GALNTL6: variants seen among roughly 807,000 people sequenced by gnomAD.
GALNTL6 encodes the protein polypeptide N-acetylgalactosaminyltransferase like 6.
GALNTL6 carries 46 observed loss-of-function variants against 73.7 expected under a neutral mutation model. The observed-to-expected ratio is 0.62, with a 90% CI of 0.49 to 0.80. GALNTL6 has a LOEUF of 0.80. Ranked by LOEUF, GALNTL6 falls within the 30% of genes least tolerant of loss-of-function variation. The pLI is 0.00. For synonymous variants in GALNTL6, 259 were observed against 263.7 expected (o/e 0.98, Z 0.17); for missense variants, 604 against 755.0 (o/e 0.80, Z 2.34).
Position 171,814,924 on chromosome 4 carries a change from G to A in GALNTL6, c.138+206G>A, listed in dbSNP as rs1407771815. 13 of 597,540 alleles carry A rather than the reference G, an allele frequency of 2.2e-5. No homozygotes were observed. In the East Asian group the frequency reaches 3.6e-4, roughly 16 times the overall value. The allele number at this position is 597,540 out of a possible 1,614,324, so 37.0% of individuals were successfully genotyped here. A position where few individuals can be genotyped will look rare whatever the true frequency, so the allele number is the denominator to read the frequency against. On this transcript the variant is annotated intron_variant, in intron 2 of 12. Transcript: ENST00000506823. The stretch of plus-strand genomic sequence containing the variant: ...AGTAACATCGTGACATGTACAACTA[G>A]TAAAGAAGGATAAGACAGGTCAAGA...
intron 5 of GALNTL6, among the ~76,000 whole-genome samples, chr4:172,408,414 C>A (rs1458907957): frequency 6.6e-6 from 1 of 151,710 alleles, no homozygotes; most frequent in Non-Finnish European, 1.5e-5. Flanking sequence ...AAGTCCCAAC[C>A]TATATTAGCA....
chr4:171,971,651 G>A (rs1739572024), intron 2 of GALNTL6, among the ~76,000 whole-genome samples: 1 of 152,086 alleles, frequency 6.6e-6, no homozygotes, highest in Admixed American at 6.6e-5. Context: ...AAATTGAGTT[G>A]ATTTGTAGGT....
intron 9 of GALNTL6, among the ~76,000 whole-genome samples, chr4:172,934,815 G>A (rs1748523841): frequency 6.6e-6 from 1 of 152,340 alleles, no homozygotes; most frequent in Non-Finnish European, 1.5e-5. Context: ...ACTGAGTGTC[G>A]CTTTGCACAG....
intron 5 of GALNTL6, among the ~76,000 whole-genome samples, chr4:172,733,988 A>C (rs925919234): frequency 2.0e-5 from 3 of 152,156 alleles, no homozygotes; most frequent in Non-Finnish European, 2.9e-5. Context: ...CTTCCTAGAG[A>C]CTTGTTGAAT....
chr4:172,314,369 T>A (rs573583657), intron 4 of GALNTL6, among the ~76,000 whole-genome samples: 4 of 152,150 alleles, frequency 2.6e-5, no homozygotes, highest in Non-Finnish European at 5.9e-5. Context: ...TGGGGACTCC[T>A]ATCTTGAGAT....
chr4:172,732,053 A>T (rs1181536351), intron 5 of GALNTL6, among the ~76,000 whole-genome samples: 1 of 152,028 alleles, frequency 6.6e-6, no homozygotes, highest in Non-Finnish European at 1.5e-5. Flanking sequence ...AATTAGTCCT[A>T]TTAGATCTAG....
chr4:172,247,412 A>T (rs1737699688), intron 3 of GALNTL6, among the ~76,000 whole-genome samples: 1 of 152,198 alleles, frequency 6.6e-6, no homozygotes, highest in Non-Finnish European at 1.5e-5. Context: ...GTACTTCATC[A>T]TTAAGGCACT....
At chr4:172,474,364 C>T (rs1344601252) in intron 5 of GALNTL6, among the ~76,000 whole-genome samples, 6 of 152,116 alleles carry the variant, frequency 3.9e-5, no homozygotes, top group Admixed American at 3.3e-4. Flanking sequence ...ATTTAATCTA[C>T]TATACAATTT....
rs201894550 is a variant in GALNTL6, at chr4:171,893,861, T to C, written c.138+79143T>C. Reference sequence around the variant, plus strand: ...AGATCATGTTTTCAGGGCCATAGAGTGGGATAGCCAAGAGAGAAGGCTGTG... The same window carrying C: ...AGATCATGTTTTCAGGGCCATAGAGCGGGATAGCCAAGAGAGAAGGCTGTG... On this transcript the variant is annotated intron_variant, in intron 2 of 12. Coordinates refer to ENST00000506823, the MANE Select transcript of GALNTL6 (RefSeq NM_001034845.3). Among the ~76,000 whole-genome samples, 16 of 152,028 alleles carry C rather than the reference T, an allele frequency of 1.1e-4. No individual in the cohort carries two copies. In the East Asian group the frequency reaches 3.1e-3, roughly 29 times the overall value.
At chr4:172,310,266 C>T (rs1334085158) in intron 3 of GALNTL6, among the ~76,000 whole-genome samples, 2 of 151,140 alleles carry the variant, frequency 1.3e-5, no homozygotes, top group South Asian at 2.1e-4. Context: ...GCAAATTACT[C>T]GATAATTTTT....
intron 5 of GALNTL6, among the ~76,000 whole-genome samples, chr4:172,390,083 A>C (rs1743606121): frequency 6.6e-6 from 1 of 152,162 alleles, no homozygotes; most frequent in Non-Finnish European, 1.5e-5. Flanking sequence ...CTGCTATTTA[A>C]ATTTTTTTCT....
intron 5 of GALNTL6, among the ~76,000 whole-genome samples, chr4:172,802,411 T>C (rs983689463): frequency 3.3e-5 from 5 of 152,100 alleles, no homozygotes; most frequent in Non-Finnish European, 4.4e-5. Flanking sequence ...CAAGTTTTTA[T>C]TGGGGGTCTG....
intron 2 of GALNTL6, among the ~76,000 whole-genome samples, chr4:171,846,578 T>C (rs1031208482): frequency 2.0e-5 from 3 of 152,146 alleles, no homozygotes; most frequent in African/African-American, 7.2e-5. Flanking sequence ...TGTAAATTTA[T>C]TTACTCTTGT....
chr4:172,285,496 A>C (rs2111088120), intron 3 of GALNTL6, among the ~76,000 whole-genome samples: 1 of 152,304 alleles, frequency 6.6e-6, no homozygotes, highest in Non-Finnish European at 1.5e-5. Context: ...TAAATTCTAG[A>C]AAGCCCCTTT....
intron 2 of GALNTL6, among the ~76,000 whole-genome samples, chr4:171,984,053 T>C (rs1739993669): frequency 6.6e-6 from 1 of 152,086 alleles, no homozygotes; most frequent in South Asian, 2.1e-4. Flanking sequence ...GTGGATTCAT[T>C]AGGGGCCCCT....
At chr4:172,895,278 A>C (rs1746259546) in intron 8 of GALNTL6, among the ~76,000 whole-genome samples, 2 of 6,574 alleles carry the variant, frequency 3.0e-4, no homozygotes, top group Non-Finnish European at 5.9e-4. Context: ...CCCTTCTTCC[A>C]TTTTTCCTGT....
chr4:172,048,053 C>A (rs943860225), intron 2 of GALNTL6, among the ~76,000 whole-genome samples: 1 of 151,982 alleles, frequency 6.6e-6, no homozygotes, highest in Non-Finnish European at 1.5e-5. Context: ...AAGACAGGAA[C>A]CTTGTTTATC....
intron 3 of GALNTL6, among the ~76,000 whole-genome samples, chr4:172,310,716 C>G (rs1552248): frequency 0.41 from 62,967 of 151,762 alleles, 15,174 homozygotes; most frequent in South Asian, 0.64. Context: ...TAGTAAAACT[C>G]TGAGTTTTTA....
At chr4:171,969,904 G>T (rs1373354400) in intron 2 of GALNTL6, among the ~76,000 whole-genome samples, 1 of 151,858 alleles carries the variant, frequency 6.6e-6, no homozygotes, top group African/African-American at 2.4e-5. Flanking sequence ...CAAATAGCTG[G>T]GATTATAAAC....
Sources: gnomAD v4.1 joint callset for allele counts (sites outside exome capture counted in the v4.1 genomes callset) on GRCh38, gnomAD v4.1.1 for gene constraint, MANE v1.5 for transcripts, NCBI Gene and HGNC (gene_info 2026-07-23, HGNC 2026-07-21) for gene names.